The following DHX9 variants were observed in gnomAD, a reference collection of about 807,000 sequenced individuals.
DHX9 encodes DExH-box helicase 9.
In DHX9, 27 loss-of-function variants were observed where a neutral mutation model predicts 148.7. The observed-to-expected ratio is 0.18, with a 90% CI of 0.13 to 0.25. The LOEUF is 0.25. DHX9 is among the 10% of genes least tolerant of loss of function. The probability of loss-of-function intolerance (pLI) is 1.00; values close to 1 mark genes in which losing one functional copy is unlikely to be tolerated. For synonymous variants in DHX9, 529 were observed against 516.6 expected (o/e 1.02, Z -0.33); for missense variants, 796 against 1,559.6 (o/e 0.51, Z 8.25).
chr1:182,843,184 T>A (rs758792262), intron 2 of DHX9, 110 bp from the exon 3 acceptor site: 42 of 689,304 alleles, frequency 6.1e-5, no homozygotes, highest in Non-Finnish European at 8.4e-5. Flanking sequence ...ATAGAGTATA[T>A]TTCCTAAAGT....
At chr1:182,876,669 T>C in intron 18 of DHX9, 128 bp downstream of exon 18, 2 of 978,336 alleles carry the variant, frequency 2.0e-6, no homozygotes, top group Non-Finnish European at 3.1e-6. Flanking sequence ...AGGAGTCTTC[T>C]CTTTCTGAGC....
intron 27 of DHX9, among the ~76,000 whole-genome samples, chr1:182,886,169 T>C (rs1310500757): frequency 6.8e-6 from 1 of 146,598 alleles, no homozygotes; most frequent in African/African-American, 2.7e-5. Flanking sequence ...TTATTTTTAT[T>C]TTTATTTTTT....
chr1:182,876,732 T>C (rs1648821405), intron 18 of DHX9, 98 bp from the exon 19 acceptor site: 4 of 995,446 alleles, frequency 4.0e-6, no homozygotes, highest in Non-Finnish European at 6.1e-6. Flanking sequence ...TTAGGACTTC[T>C]GTAATTTTCT....
At chr1:182,883,789 G>A (rs926441986) in intron 26 of DHX9, among the ~76,000 whole-genome samples, 154 bp downstream of exon 26, 2 of 152,108 alleles carry the variant, frequency 1.3e-5, no homozygotes, top group Admixed American at 6.6e-5. Flanking sequence ...AGAAGCAAAT[G>A]CATTAGGAAT....
intron 3 of DHX9, among the ~76,000 whole-genome samples, chr1:182,850,189 C>G (rs936331350): frequency 6.6e-6 from 1 of 152,044 alleles, no homozygotes; most frequent in African/African-American, 2.4e-5. Flanking sequence ...TAATACTACT[C>G]CAAGCTTGGG....
chr1:182,860,695 CAG>C (rs1300176153), intron 12 of DHX9, among the ~76,000 whole-genome samples: 1 of 152,188 alleles, frequency 6.6e-6, no homozygotes, highest in Non-Finnish European at 1.5e-5. Flanking sequence ...AAGGTTAACA[CAG>C]AAAGTGGTAG....
In DHX9 at chr1:182,887,232, A is replaced by C. The variant is rs1490089314; in HGVS notation, c.3611A>C (p.Asn1204Thr). The change falls in exon 28 of 28, where the codon AAC (asparagine) becomes ACC (threonine). Residue 1204 changes from asparagine (N) to threonine (T), a missense_variant. Asn to Thr is a moderately conservative substitution (Grantham distance 65). Coordinates refer to ENST00000367549, the MANE Select transcript of DHX9 (RefSeq NM_001357.5). ...YGSGGYGGSA[N>T]SFRAGYGAGV... is the part of the protein sequence containing the mutation. The stretch of plus-strand genomic sequence containing the variant: ...AGCGGAGGCTATGGTGGCAGCGCCA[A>C]CTCCTTTCGGGCAGGATATGGTGCA... 3 of 1,613,812 alleles carry C rather than the reference A, an allele frequency of 1.9e-6. No individual in the cohort carries two copies. Among genetic ancestry groups the C allele is most frequent in the African/African-American group, 2.7e-5 (2 of 74,816 alleles).
rs1029358697 is a variant in DHX9, at chr1:182,859,262, T to G, written c.1140+145T>G. The G allele has an allele frequency of 7.7e-5, 48 of 619,798 alleles. No homozygotes were observed. In the African/African-American group the frequency reaches 7.8e-4, roughly 10 times the overall value. The allele number at this position is 619,798 out of a possible 1,614,324, so 38.4% of individuals were successfully genotyped here. Reference sequence around the variant, plus strand: ...CCAAACTGCTAATCCTAGTTACCCCTGAAGTTAGTTGCTATGAGTTGAGGG... The same window carrying G: ...CCAAACTGCTAATCCTAGTTACCCCGGAAGTTAGTTGCTATGAGTTGAGGG... On this transcript the variant is annotated intron_variant, in intron 11 of 27. Coordinates refer to ENST00000367549, the MANE Select transcript of DHX9 (RefSeq NM_001357.5).
intron 24 of DHX9, among the ~76,000 whole-genome samples, chr1:182,882,498 G>A (rs546189454): frequency 6.6e-6 from 1 of 152,270 alleles, no homozygotes; most frequent in East Asian, 1.9e-4. Context: ...TTTAAGAGTA[G>A]CAGATAAATA....
chr1:182,867,914 C>G (rs1182393349), intron 14 of DHX9, among the ~76,000 whole-genome samples: 1 of 152,234 alleles, frequency 6.6e-6, no homozygotes, highest in Non-Finnish European at 1.5e-5. Flanking sequence ...TAGTGACTTT[C>G]AAAGGTTTCA....
chr1:182,869,672 G>A (rs1399676645), intron 14 of DHX9, among the ~76,000 whole-genome samples: 4 of 152,130 alleles, frequency 2.6e-5, no homozygotes, highest in Non-Finnish European at 4.4e-5. Flanking sequence ...GTGAAGTTTC[G>A]GCATCTCAGC....
At chr1:182,848,752 AG>A (rs1392736978) in intron 3 of DHX9, among the ~76,000 whole-genome samples, 3 of 152,248 alleles carry the variant, frequency 2.0e-5, no homozygotes, top group Non-Finnish European at 4.4e-5. Context: ...CAGGCTTTAC[AG>A]GAAGTGTGGT....
At chr1:182,849,685 A>G (rs1023336137) in intron 3 of DHX9, among the ~76,000 whole-genome samples, 4 of 152,216 alleles carry the variant, frequency 2.6e-5, no homozygotes, top group African/African-American at 9.6e-5. Flanking sequence ...CTGGTTTTAG[A>G]TACCTTAGTA....
intron 14 of DHX9, among the ~76,000 whole-genome samples, chr1:182,870,324 TAAAA>T (rs759334964): frequency 3.3e-4 from 50 of 152,298 alleles, no homozygotes; most frequent in South Asian, 8.3e-4. Flanking sequence ...TATAAATACT[TAAAA>T]AGATAGATTT....
intron 10 of DHX9, 30 bp downstream of exon 10, chr1:182,858,924 G>A (rs779936910): frequency 4.3e-6 from 7 of 1,612,834 alleles, no homozygotes; most frequent in Middle Eastern, 1.7e-4. Flanking sequence ...TGAGATCAGA[G>A]TCTTGTGTTT....
At chr1:182,872,143 A>G (rs374918484) in intron 14 of DHX9, among the ~76,000 whole-genome samples, 194 bp from the exon 15 acceptor site, 7 of 152,312 alleles carry the variant, frequency 4.6e-5, no homozygotes, top group African/African-American at 1.2e-4. Flanking sequence ...TTAGGCTACA[A>G]CTGTTCTCAA....
chr1:182,875,013 A>T, intron 16 of DHX9, 59 bp downstream of exon 16: 3 of 1,328,414 alleles, frequency 2.3e-6, no homozygotes, highest in Non-Finnish European at 3.2e-6. Flanking sequence ...AGAGAAAAAA[A>T]TGAGTTAATG....
intron 12 of DHX9, among the ~76,000 whole-genome samples, chr1:182,862,661 C>T (rs983651927): frequency 1.3e-5 from 2 of 152,108 alleles, no homozygotes; most frequent in African/African-American, 4.8e-5. Context: ...GCAGCTTAGT[C>T]ATGTTACTGT....
intron 6 of DHX9, among the ~76,000 whole-genome samples, chr1:182,855,178 A>G (rs1441765028): frequency 6.6e-6 from 1 of 152,192 alleles, no homozygotes; most frequent in African/African-American, 2.4e-5. Context: ...TAAAACCGTC[A>G]GGTTGCAAAG....
Sources: allele counts gnomAD v4.1 joint callset (sites outside exome capture counted in the v4.1 genomes callset), GRCh38; gene constraint gnomAD v4.1.1; transcripts MANE v1.5; gene names NCBI Gene and HGNC (gene_info 2026-07-23, HGNC 2026-07-21).